The following MLF1 variants were observed in gnomAD, a reference collection of about 807,000 sequenced individuals.
The protein encoded by MLF1 is myeloid leukemia factor 1.
In MLF1, 37 loss-of-function variants were observed where a neutral mutation model predicts 38.3. The ratio of observed to expected loss-of-function variants is 0.96; its 90% CI spans 0.74 to 1.27. The LOEUF (loss-of-function observed/expected upper bound fraction) is 1.27. Ranked by LOEUF, MLF1 falls within the 50% of genes most tolerant of loss-of-function variation. The pLI is 0.00. For synonymous variants in MLF1, 95 were observed against 106.5 expected (o/e 0.89, Z 0.66); for missense variants, 331 against 349.2 (o/e 0.95, Z 0.42).
intron 1 of MLF1, among the ~76,000 whole-genome samples, chr3:158,586,146 A>G (rs1156256896): frequency 1.3e-5 from 2 of 150,448 alleles, no homozygotes; most frequent in South Asian, 4.3e-4. Context: ...CCTGGGCAGC[A>G]AGAGTGAAAC....
At chr3:158,582,102 C>A (rs1346154818) in intron 1 of MLF1, among the ~76,000 whole-genome samples, 1 of 152,078 alleles carries the variant, frequency 6.6e-6, no homozygotes, top group Non-Finnish European at 1.5e-5. Context: ...ATCACTTGAA[C>A]CCAGGAGGTG....
Position 158,600,167 on chromosome 3 carries a change from A to G in MLF1, c.607A>G (p.Asn203Asp). 2 of 1,427,534 alleles carry G rather than the reference A, an allele frequency of 1.4e-6. No homozygotes were observed. The highest frequency in any genetic ancestry group is 1.8e-6 in the Non-Finnish European group (2 of 1,086,244). The allele number at this position is 1,427,534 out of a possible 1,614,324, so 88.4% of individuals were successfully genotyped here. A position where few individuals can be genotyped will look rare whatever the true frequency, so the allele number is the denominator to read the frequency against. The change falls in exon 6 of 8, where the codon AAT becomes GAT. Residue 203 changes from asparagine (N) to aspartate (D), a missense_variant. Asn to Asp is a conservative substitution (Grantham distance 23). Transcript: ENST00000466246. ...EEVNQEFINM[N>D]ESDAHAFDEE... is the part of the protein sequence containing the mutation. ...GGTCAACCAGGAGTTCATCAATATG[A>G]ATGAAAGTAAGTTATCACAAAAAAA...
chr3:158,576,027 T>C (rs1428747097), intron 1 of MLF1, among the ~76,000 whole-genome samples: 1 of 152,226 alleles, frequency 6.6e-6, no homozygotes, highest in Non-Finnish European at 1.5e-5. Context: ...GCTTAAAATA[T>C]TTAAGTAAAA....
Position 158,605,970 on chromosome 3 carries a change from A to G in MLF1, c.*768A>G, listed in dbSNP as rs764452453. 1 of 183,410 alleles carries G rather than the reference A, an allele frequency of 5.5e-6. No individual in the cohort carries two copies. The highest frequency in any genetic ancestry group is 1.2e-5 in the Non-Finnish European group (1 of 86,328). The allele number at this position is 183,410 out of a possible 1,614,324, so 11.4% of individuals were successfully genotyped here. A position where few individuals can be genotyped will look rare whatever the true frequency, so the allele number is the denominator to read the frequency against. Reference sequence around the variant, plus strand: ...ACAGCTTCATCTGTCTCCAAGGTTAACATTCTGAAGCTGGAGAGTCCTTGG... The same window carrying G: ...ACAGCTTCATCTGTCTCCAAGGTTAGCATTCTGAAGCTGGAGAGTCCTTGG... On this transcript the variant is annotated 3_prime_UTR_variant, in exon 8 of 8. Coordinates refer to ENST00000466246, the MANE Select transcript of MLF1 (RefSeq NM_001369783.1).
chr3:158,591,290 G>A (rs1371751307), intron 1 of MLF1: 2 of 394,828 alleles, frequency 5.1e-6, no homozygotes, highest in East Asian at 1.4e-4. Context: ...CTCCGGAGTA[G>A]CTGGGATTAT....
rs567536784 is a variant in MLF1, at chr3:158,604,379, G to C, written c.747-718G>C. On this transcript the variant is annotated intron_variant, in intron 7 of 7. Coordinates refer to ENST00000466246, the MANE Select transcript of MLF1 (RefSeq NM_001369783.1). ...ACTGTCCAATGGCATTTTCTGAAAT[G>C]ACTTCGGTAATGACAAAAATGCTAT... Among the ~76,000 whole-genome samples the C allele has an allele frequency of 7.2e-5, 11 of 152,278 alleles. No homozygotes were observed. In the East Asian group the frequency reaches 1.7e-3, roughly 24 times the overall value.
At chr3:158,583,877 A>G (rs1288215250) in intron 1 of MLF1, among the ~76,000 whole-genome samples, 1 of 152,226 alleles carries the variant, frequency 6.6e-6, no homozygotes, top group Non-Finnish European at 1.5e-5. Flanking sequence ...TGTAACTAAA[A>G]TCTTGAGGAG....
At chr3:158,572,940 G>T (rs138204441) in intron 1 of MLF1, among the ~76,000 whole-genome samples, 1 of 151,742 alleles carries the variant, frequency 6.6e-6, no homozygotes, top group Admixed American at 6.6e-5. Context: ...CCATTTGGCC[G>T]GACTTTGGGT....
At chr3:158,581,155 G>A (rs190586259) in intron 1 of MLF1, among the ~76,000 whole-genome samples, 4 of 152,274 alleles carry the variant, frequency 2.6e-5, no homozygotes, top group East Asian at 1.9e-4. Flanking sequence ...GAACCAGTGC[G>A]AGGGTAGTAG....
At chr3:158,584,543 CAT>C (rs1272772630) in intron 1 of MLF1, among the ~76,000 whole-genome samples, 2 of 152,002 alleles carry the variant, frequency 1.3e-5, no homozygotes, top group East Asian at 1.9e-4. Flanking sequence ...TGAAAAGACA[CAT>C]ATGTTAGAAT....
intron 3 of MLF1, among the ~76,000 whole-genome samples, chr3:158,596,133 C>T (rs1320394535): frequency 6.6e-6 from 1 of 152,078 alleles, no homozygotes; most frequent in Non-Finnish European, 1.5e-5. Flanking sequence ...TAGTTATATG[C>T]TCTCTTCATC....
chr3:158,574,505 T>TAAAAAAAAAAAAAAAAAAAAA (rs758915813), intron 1 of MLF1, among the ~76,000 whole-genome samples: 2 of 91,408 alleles, frequency 2.2e-5, no homozygotes, highest in African/African-American at 1.1e-4. Flanking sequence ...CCATCTGTAC[T>TAAAAAAAAAAAAAAAAAAAAA]AAAAAAAAAA....
At chr3:158,604,403 A>G (rs889430412) in intron 7 of MLF1, among the ~76,000 whole-genome samples, 5 of 152,190 alleles carry the variant, frequency 3.3e-5, no homozygotes, top group African/African-American at 1.2e-4. Flanking sequence ...CAAAAATGCT[A>G]TATATCTATT....
chr3:158,603,399 T>C (rs1464619140), intron 7 of MLF1, among the ~76,000 whole-genome samples: 1 of 152,246 alleles, frequency 6.6e-6, no homozygotes, highest in Non-Finnish European at 1.5e-5. Context: ...CAGACACTTG[T>C]ATAATATGTA....
chr3:158,592,590 T>G lies in MLF1; in HGVS notation c.195+9T>G. 1 of 1,563,872 alleles carries G rather than the reference T, an allele frequency of 6.4e-7. No individual in the cohort carries two copies. Among genetic ancestry groups the G allele is most frequent in the Non-Finnish European group, 8.6e-7 (1 of 1,157,496 alleles). On this transcript the variant is annotated intron_variant, in intron 2 of 7. Coordinates refer to ENST00000466246, the MANE Select transcript of MLF1 (RefSeq NM_001369783.1). The stretch of plus-strand genomic sequence containing the variant: ...GTGAAGATTCTTTGACTGTAAGTTC[T>G]TTTTTTTAAGACAGTTAGTGAGAAG...
intron 6 of MLF1, among the ~76,000 whole-genome samples, chr3:158,601,377 G>C (rs1422377829): frequency 6.6e-6 from 1 of 152,050 alleles, no homozygotes; most frequent in Non-Finnish European, 1.5e-5. Context: ...AGACCAGCCT[G>C]ACCAACATGG....
intron 1 of MLF1, among the ~76,000 whole-genome samples, chr3:158,573,798 G>A (rs541250204): frequency 1.4e-4 from 19 of 137,914 alleles, no homozygotes; most frequent in Non-Finnish European, 2.3e-4. Flanking sequence ...TGGGGGGTGT[G>A]TTGTGCGTCT....
chr3:158,597,486 A>G (rs1193988682), intron 4 of MLF1, among the ~76,000 whole-genome samples: 1 of 152,172 alleles, frequency 6.6e-6, no homozygotes, highest in East Asian at 1.9e-4. Flanking sequence ...CTAGTACTAT[A>G]ATAATACTCT....
chr3:158,600,430 G>T (rs1356629184), intron 6 of MLF1, among the ~76,000 whole-genome samples: 2 of 93,552 alleles, frequency 2.1e-5, no homozygotes, highest in African/African-American at 5.5e-5. Context: ...TTGTTATTTA[G>T]TAATATCATT....
Sources: gnomAD v4.1 joint callset for allele counts (sites outside exome capture counted in the v4.1 genomes callset) on GRCh38, gnomAD v4.1.1 for gene constraint, MANE v1.5 for transcripts, NCBI Gene and HGNC (gene_info 2026-07-23, HGNC 2026-07-21) for gene names.